The following CRISP1 variants were observed in gnomAD, a reference collection of about 807,000 sequenced individuals.
CRISP1 encodes cysteine rich secretory protein 1.
In CRISP1, 44 loss-of-function variants were observed where a neutral mutation model predicts 33.1. That is an observed-to-expected ratio of 1.33 (90% CI 1.05 to 1.71). The LOEUF (loss-of-function observed/expected upper bound fraction) is 1.71. Among genes scored for constraint, CRISP1 ranks in the 40% most tolerant of loss-of-function variants. The pLI, the probability that CRISP1 is intolerant of heterozygous loss-of-function variation, is 0.00. For missense variants in CRISP1, 390 were observed against 301.2 expected (o/e 1.29, Z -2.18); for synonymous variants, 103 against 98.7 (o/e 1.04, Z -0.26).
intron 1 of CRISP1, among the ~76,000 whole-genome samples, chr6:49,861,104 C>T (rs1253798644): frequency 1.3e-5 from 2 of 152,016 alleles, no homozygotes; most frequent in African/African-American, 2.4e-5. Context: ...ATAATAAAAA[C>T]TCTACCAATA....
chr6:49,859,394 C>T (rs1026244557), intron 1 of CRISP1, among the ~76,000 whole-genome samples: 2 of 144,720 alleles, frequency 1.4e-5, no homozygotes, highest in African/African-American at 5.1e-5. Flanking sequence ...TTAACAAGTG[C>T]TGAAAGAAAA....
chr6:49,870,165 C>T (rs934569575), upstream of CRISP1, among the ~76,000 whole-genome samples: 2 of 152,130 alleles, frequency 1.3e-5, no homozygotes. Flanking sequence ...AACAAACTTC[C>T]TAACCAATAC....
intron 3 of CRISP1, among the ~76,000 whole-genome samples, chr6:49,850,137 A>G (rs1771306427): frequency 6.6e-6 from 1 of 151,046 alleles, no homozygotes; most frequent in African/African-American, 2.4e-5. Context: ...TAGAAGATAT[A>G]CCTAATGCTA....
chr6:49,874,330 A>G (rs1489062354), intron 1 of CRISP1, among the ~76,000 whole-genome samples: 3 of 152,080 alleles, frequency 2.0e-5, no homozygotes, highest in African/African-American at 4.8e-5. Context: ...AATAGACCCA[A>G]TTGATTTCAG....
intron 1 of CRISP1, 23 bp downstream of exon 1, chr6:49,866,406 G>C (rs1401429228): frequency 6.6e-6 from 1 of 152,082 alleles, no homozygotes; most frequent in Non-Finnish European, 1.5e-5. Flanking sequence ...TAAAGAAACT[G>C]ACAAAGATAT....
intron 2 of CRISP1, among the ~76,000 whole-genome samples, chr6:49,856,412 G>A (rs1771499180): frequency 6.6e-6 from 1 of 152,124 alleles, no homozygotes; most frequent in Non-Finnish European, 1.5e-5. Context: ...TCAGAGGGAA[G>A]GAAGAAGTCT....
chr6:49,852,658 A>T (rs1416072610), intron 2 of CRISP1, among the ~76,000 whole-genome samples: 1 of 152,220 alleles, frequency 6.6e-6, no homozygotes, highest in Non-Finnish European at 1.5e-5. Flanking sequence ...CTTACTGTTC[A>T]TATGAGAAAA....
Position 49,838,498 on chromosome 6 carries a change from T to C in CRISP1, c.561A>G (p.Glu187=), listed in dbSNP as rs764809278. 3.5e-5 allele frequency: 56 copies of C among 1,613,076 alleles called. No individual in the cohort carries two copies. Among genetic ancestry groups the C allele is most frequent in the Non-Finnish European group, 4.7e-5 (56 of 1,179,634 alleles). Residue 187 remains glutamate, a synonymous_variant, in exon 7 of 8, where the codon GAA becomes GAG. Coordinates refer to ENST00000335847, the MANE Select transcript of CRISP1 (RefSeq NM_001131.3). The part of the protein sequence containing the change: ...HEGNDPETKN[E]PYKTGVPCEA... ...CACATGGGACGCCTGTCTTATAAGG[T>C]TCATTCTTTGTTTCAGGATCATTTC...
At chr6:49,870,815 G>C (rs756037304), upstream of CRISP1, among the ~76,000 whole-genome samples, 2 of 152,064 alleles carry the variant, frequency 1.3e-5, no homozygotes, top group African/African-American at 2.4e-5. Flanking sequence ...TAACAAAATA[G>C]GCCAGGCGTG....
upstream of CRISP1, among the ~76,000 whole-genome samples, chr6:49,866,867 T>TA (rs1771811428): frequency 6.6e-6 from 1 of 152,122 alleles, no homozygotes; most frequent in South Asian, 2.1e-4. Flanking sequence ...ATTGAGGTCT[T>TA]AAGATGATTT....
chr6:49,866,888 C>T (rs1020755653), upstream of CRISP1, among the ~76,000 whole-genome samples: 2 of 152,100 alleles, frequency 1.3e-5, no homozygotes, highest in Non-Finnish European at 2.9e-5. Flanking sequence ...ATGCTCTCTT[C>T]TAGATGCTGA....
At chr6:49,855,307 A>C (rs1039765224) in intron 2 of CRISP1, among the ~76,000 whole-genome samples, 2 of 152,152 alleles carry the variant, frequency 1.3e-5, no homozygotes, top group Non-Finnish European at 2.9e-5. Context: ...AAACACAGAC[A>C]CAATGGATTC....
At chr6:49,862,255 G>A (rs1348439409) in intron 1 of CRISP1, among the ~76,000 whole-genome samples, 3 of 151,962 alleles carry the variant, frequency 2.0e-5, no homozygotes, top group East Asian at 3.9e-4. Context: ...AAGAAAATAC[G>A]TAAAGATAAA....
chr6:49,857,193 C>T (rs1183070290), intron 2 of CRISP1, 142 bp downstream of exon 2: 6 of 683,058 alleles, frequency 8.8e-6, no homozygotes, highest in Non-Finnish European at 1.2e-5. Context: ...TGAGTACTTG[C>T]CTAACAGGGC....
intron 2 of CRISP1, among the ~76,000 whole-genome samples, chr6:49,854,617 T>C (rs1771442822): frequency 1.3e-5 from 2 of 152,214 alleles, no homozygotes; most frequent in South Asian, 4.1e-4. Flanking sequence ...GTTCTCTGTC[T>C]CTACTCTCTT....
At chr6:49,839,301 ATTAG>A (rs1359059071) in intron 6 of CRISP1, among the ~76,000 whole-genome samples, 1 of 120,160 alleles carries the variant, frequency 8.3e-6, no homozygotes, top group African/African-American at 3.1e-5. Flanking sequence ...AAAAAAAAAA[ATTAG>A]TTAGGCCTGG....
At chr6:49,862,662 A>G (rs559818070) in intron 1 of CRISP1, among the ~76,000 whole-genome samples, 31 of 152,262 alleles carry the variant, frequency 2.0e-4, no homozygotes, top group Admixed American at 5.9e-4. Context: ...TGGCATATCC[A>G]ATGAATTCTG....
chr6:49,837,069 T>G (rs1770824144), intron 7 of CRISP1, among the ~76,000 whole-genome samples: 1 of 152,084 alleles, frequency 6.6e-6, no homozygotes, highest in African/African-American at 2.4e-5. Flanking sequence ...TGTTCTTAAT[T>G]TATATACTTT....
chr6:49,862,778 T>G (rs554104593), intron 1 of CRISP1, among the ~76,000 whole-genome samples: 1 of 149,912 alleles, frequency 6.7e-6, no homozygotes, highest in South Asian at 2.1e-4. Flanking sequence ...GTAAAATGCG[T>G]ACACTCAAAG....
Sources: allele counts gnomAD v4.1 joint callset (sites outside exome capture counted in the v4.1 genomes callset), GRCh38; gene constraint gnomAD v4.1.1; transcripts MANE v1.5; gene names NCBI Gene and HGNC (gene_info 2026-07-23, HGNC 2026-07-21).